PDE11A: variants seen among roughly 807,000 people sequenced by gnomAD.
PDE11A encodes phosphodiesterase 11A, also known as dual 3',5'-cyclic-AMP and -GMP phosphodiesterase 11A.
PDE11A carries 100 observed loss-of-function variants against 100.5 expected under a neutral mutation model. The observed-to-expected ratio is 1.00, with a 90% CI of 0.85 to 1.18. PDE11A has a LOEUF of 1.18. Among genes scored for constraint, PDE11A ranks in the 50% most tolerant of loss-of-function variants. PDE11A has a pLI of 0.00. For missense variants in PDE11A, 1,141 were observed against 1,152.6 expected, an observed-to-expected ratio of 0.99 and a Z score of 0.15; for synonymous variants, 381 against 420.8, an observed-to-expected ratio of 0.91 and a Z score of 1.16.
chr2:177,795,661 GT>G (rs1008009648), intron 9 of PDE11A, among the ~76,000 whole-genome samples: 8 of 151,892 alleles, frequency 5.3e-5, no homozygotes. Flanking sequence ...AGCAGGTTTT[GT>G]TTTACCCTTT....
At chr2:178,075,879 G>A (rs910282598), upstream of PDE11A, among the ~76,000 whole-genome samples, 1 of 152,140 alleles carries the variant, frequency 6.6e-6, no homozygotes, top group African/African-American at 2.4e-5. Flanking sequence ...CCTTGAAGGG[G>A]TTCCTTTGGT....
At chr2:178,022,012 C>T (rs1029873149) in intron 1 of PDE11A, among the ~76,000 whole-genome samples, 4 of 151,944 alleles carry the variant, frequency 2.6e-5, no homozygotes, top group Non-Finnish European at 5.9e-5. Context: ...ATAGAGGAAG[C>T]GAGGGGTCAC....
Position 178,072,595 on chromosome 2 carries a change from C to G in PDE11A, c.-158G>C. 6.6e-7 allele frequency: 1 copy of G among 1,513,942 alleles called. No homozygotes were observed. Among genetic ancestry groups the G allele is most frequent in the Non-Finnish European group, 8.8e-7 (1 of 1,136,316 alleles). The allele number at this position is 1,513,942 out of a possible 1,614,324, so 93.8% of individuals were successfully genotyped here. On this transcript the variant is annotated 5_prime_UTR_variant, in exon 1 of 20. Coordinates refer to ENST00000286063, the MANE Select transcript of PDE11A (RefSeq NM_016953.4). ...TCCCAGCAGTGGAATCTGGGAGATGCCCCTTCCTTCTCTGGCTCAGAGTGG... is the reference window on the plus strand; with the variant it reads ...TCCCAGCAGTGGAATCTGGGAGATGGCCCTTCCTTCTCTGGCTCAGAGTGG...
chr2:177,934,391 A>G (rs1026666940), intron 2 of PDE11A, among the ~76,000 whole-genome samples: 1 of 152,204 alleles, frequency 6.6e-6, no homozygotes, highest in East Asian at 1.9e-4. Flanking sequence ...AAAATGCTCC[A>G]CATTACTAAT....
intron 1 of PDE11A, among the ~76,000 whole-genome samples, chr2:178,063,713 TA>T (rs963476449): frequency 2.4e-4 from 37 of 152,200 alleles, no homozygotes; most frequent in Middle Eastern, 3.4e-3. Context: ...ATAAAGGAGA[TA>T]GTTAGGGCTC....
intron 9 of PDE11A, among the ~76,000 whole-genome samples, chr2:177,788,766 C>T (rs1432634982): frequency 2.0e-5 from 3 of 152,198 alleles, no homozygotes; most frequent in African/African-American, 7.2e-5. Context: ...AACAACTCTA[C>T]TCAAATAAAC....
intron 9 of PDE11A, among the ~76,000 whole-genome samples, chr2:177,800,771 T>G (rs2082781896): frequency 6.6e-6 from 1 of 152,168 alleles, no homozygotes; most frequent in South Asian, 2.1e-4. Context: ...AGGAGTACAC[T>G]AGATCTATGT....
In PDE11A at chr2:177,929,506, C is replaced by A. The variant is rs912038012; in HGVS notation, c.1072-24319G>T. ...GGCTGCATCAGTATTTTAAAGCCTG[C>A]TAGGATGAACTTGAAGCTTCATCCG... On this transcript the variant is annotated intron_variant, in intron 2 of 19. Coordinates refer to ENST00000286063, the MANE Select transcript of PDE11A (RefSeq NM_016953.4). Among the ~76,000 whole-genome samples, 8 of 152,128 alleles carry A rather than the reference C, an allele frequency of 5.3e-5. 1 individual carries two copies. Among genetic ancestry groups the A allele is most frequent in the South Asian group, 4.1e-4 (2 of 4,830 alleles).
At chr2:178,034,077 C>T (rs1033340014) in intron 1 of PDE11A, among the ~76,000 whole-genome samples, 1 of 152,040 alleles carries the variant, frequency 6.6e-6, no homozygotes, top group Admixed American at 6.6e-5. Context: ...AGGCTAAATG[C>T]CCCAATTAAA....
At chr2:178,105,187 T>C (rs1420545623) in intron 1 of PDE11A, among the ~76,000 whole-genome samples, 1 of 152,108 alleles carries the variant, frequency 6.6e-6, no homozygotes, top group Non-Finnish European at 1.5e-5. Flanking sequence ...CTGGGTTGGG[T>C]GCGGTGGCTC....
At chr2:177,891,733 A>G (rs1194882309) in intron 4 of PDE11A, among the ~76,000 whole-genome samples, 1 of 152,198 alleles carries the variant, frequency 6.6e-6, no homozygotes, top group Non-Finnish European at 1.5e-5. Flanking sequence ...ATTTTTGTCA[A>G]TAAAGTTTTA....
chr2:177,948,102 T>G (rs2085466563), intron 2 of PDE11A, among the ~76,000 whole-genome samples: 1 of 152,162 alleles, frequency 6.6e-6, no homozygotes, highest in Non-Finnish European at 1.5e-5. Flanking sequence ...CACTACGTTT[T>G]CATTTAATAT....
rs2084639668 is a variant in PDE11A, at chr2:177,898,158, G to A, written c.1202C>T (p.Thr401Ile). 1 of 1,608,744 alleles carries A rather than the reference G, an allele frequency of 6.2e-7. No homozygotes were observed. The highest frequency in any genetic ancestry group is 1.7e-5 in the Admixed American group (1 of 59,988). Residue 401 changes from threonine (T) to isoleucine (I), a missense_variant, in exon 4 of 20, where the codon ACT (threonine) becomes ATT (isoleucine). By Grantham distance (89) the Thr-to-Ile change is moderately conservative (BLOSUM62 -1). Coordinates refer to ENST00000286063, the MANE Select transcript of PDE11A (RefSeq NM_016953.4). ...EVVNDLFEEQ[T>I]DLEKIVKKIM... The stretch of plus-strand genomic sequence containing the variant: ...TTTCTTGACAATTTTCTCCAGGTCA[G>A]TCTGTTCTTCAAAGAGGTCATTAAC...
At chr2:177,929,144 C>G (rs369904500) in intron 2 of PDE11A, among the ~76,000 whole-genome samples, 4 of 151,400 alleles carry the variant, frequency 2.6e-5, no homozygotes, top group Admixed American at 1.3e-4. Context: ...GGTTCTCTCA[C>G]AGTCATCCAA....
intron 16 of PDE11A, among the ~76,000 whole-genome samples, chr2:177,677,660 A>G (rs1178415687): frequency 1.3e-5 from 2 of 152,196 alleles, no homozygotes; most frequent in Non-Finnish European, 2.9e-5. Flanking sequence ...ATAGGAGCCT[A>G]AAACAAGGAA....
chr2:177,979,279 T>C (rs1302580991), intron 2 of PDE11A, among the ~76,000 whole-genome samples: 1 of 150,548 alleles, frequency 6.6e-6, no homozygotes, highest in African/African-American at 2.4e-5. Flanking sequence ...GGTTGACATA[T>C]AAAACTAGTG....
At position 178,039,288 on chromosome 2, in the gene PDE11A, A is replaced by G. The variant is rs2086655194; in HGVS notation, c.913-24828T>C. Among the ~76,000 whole-genome samples the G allele has an allele frequency of 1.3e-5, 2 of 152,218 alleles. 1 individual carries two copies. Among genetic ancestry groups the G allele is most frequent in the South Asian group, 4.1e-4 (2 of 4,826 alleles). ...CAAACTAACACAAAAACAGAAAACC[A>G]AATACTGCATGTTCTCACTTATAAG... On this transcript the variant is annotated intron_variant, in intron 1 of 19. Coordinates refer to ENST00000286063, the MANE Select transcript of PDE11A (RefSeq NM_016953.4).
intron 2 of PDE11A, chr2:177,997,897 T>A: frequency 2.9e-6 from 4 of 1,365,376 alleles, no homozygotes; most frequent in Non-Finnish European, 4.2e-6. Flanking sequence ...TGAACTCATC[T>A]CCACCAACAA....
At chr2:177,668,366 A>G (rs1165366244) in intron 18 of PDE11A, among the ~76,000 whole-genome samples, 1 of 152,192 alleles carries the variant, frequency 6.6e-6, no homozygotes, top group Non-Finnish European at 1.5e-5. Flanking sequence ...GGGTCATACT[A>G]GGTTTTATAC....
Sources: allele counts gnomAD v4.1 joint callset (sites outside exome capture counted in the v4.1 genomes callset), GRCh38; gene constraint gnomAD v4.1.1; transcripts MANE v1.5; gene names NCBI Gene and HGNC (gene_info 2026-07-23, HGNC 2026-07-21).